Variants in C4BPA observed in about 807,000 individuals in gnomAD.
C4BPA encodes complement component 4 binding protein alpha.
Under a neutral mutation model 63.7 loss-of-function variants are expected in C4BPA, and 31 were observed. The observed-to-expected ratio is 0.49, with a 90% confidence interval of 0.37 to 0.66. C4BPA has a LOEUF of 0.66. Ranked by LOEUF, C4BPA falls within the 30% of genes least tolerant of loss-of-function variation. The pLI, the probability that C4BPA is intolerant of heterozygous loss-of-function variation, is 0.00. For synonymous variants in C4BPA, 259 were observed against 254.7 expected, an observed-to-expected ratio of 1.02 and a Z score of -0.16; for missense variants, 572 against 723.3, an observed-to-expected ratio of 0.79 and a Z score of 2.40.
intron 4 of C4BPA, among the ~76,000 whole-genome samples, chr1:207,117,105 T>C (rs1684814625): frequency 6.6e-6 from 1 of 152,210 alleles, no homozygotes; most frequent in Non-Finnish European, 1.5e-5. Flanking sequence ...TATTTTTCTA[T>C]AAGAACTTTA....
chr1:207,104,367 T>C lies in C4BPA; in HGVS notation c.-89T>C, dbSNP rs1684518850. 1.3e-5 allele frequency: 2 copies of C among 152,234 alleles called. No individual in the cohort carries two copies. Among genetic ancestry groups the C allele is most frequent in the African/African-American group, 4.8e-5 (2 of 41,452 alleles). 9.4% of individuals were successfully genotyped at this position (152,234 alleles called of 1,614,324 possible). ...AGGACTACATAGATCAAGGCAGTTT[T>C]CTTCTTTGAGAAACTATCCCAGATA... On this transcript the variant is annotated 5_prime_UTR_variant, in exon 1 of 12. Transcript: ENST00000367070.
intron 2 of C4BPA, 87 bp from the exon 3 acceptor site, chr1:207,114,013 C>T: frequency 6.3e-6 from 7 of 1,117,324 alleles, no homozygotes; most frequent in Non-Finnish European, 7.7e-6. Flanking sequence ...AAGAACGATC[C>T]CTGCTCTAAA....
At chr1:207,113,429 A>G (rs1010252598) in intron 2 of C4BPA, among the ~76,000 whole-genome samples, 2 of 152,188 alleles carry the variant, frequency 1.3e-5, no homozygotes, top group African/African-American at 2.4e-5. Context: ...TAATATGGAC[A>G]GATCTATATT....
intron 4 of C4BPA, 89 bp from the exon 5 acceptor site, chr1:207,123,833 A>G (rs539095228): frequency 4.2e-6 from 3 of 721,554 alleles, no homozygotes; most frequent in Admixed American, 5.0e-5. Flanking sequence ...TTATTTTAAT[A>G]TTGAGTAACA....
Position 207,126,902 on chromosome 1 carries a change from A to C in C4BPA, c.889+7A>C. 1.2e-6 allele frequency: 2 copies of C among 1,607,906 alleles called. No individual in the cohort carries two copies. The highest frequency in any genetic ancestry group is 1.7e-6 in the Non-Finnish European group (2 of 1,175,986). On this transcript the variant is annotated splice_region_variant and intron_variant, in intron 7 of 11. Coordinates refer to ENST00000367070, the MANE Select transcript of C4BPA (RefSeq NM_000715.4). ...CCTCCTGCTTGTGAGCCCAGTAAGT[A>C]TGGACTGTGACAGAATTTCAATGTT...
intron 1 of C4BPA, among the ~76,000 whole-genome samples, chr1:207,108,508 A>T (rs1684602978): frequency 6.6e-6 from 1 of 152,184 alleles, no homozygotes; most frequent in Non-Finnish European, 1.5e-5. Flanking sequence ...TTTTACAGAG[A>T]TTTATTTCAT....
rs1439438800 is a variant in C4BPA at position 207,115,454 on chromosome 1, C to G, written c.367C>G (p.Gln123Glu). Residue 123 changes from glutamine (Q) to glutamate (E), a missense_variant, in exon 4 of 12, where the codon CAA (glutamine) becomes GAA (glutamate). This residue lies in a region of C4BPA where 465 missense variants were observed against 629.4 expected (regional missense o/e 0.74). Coordinates refer to ENST00000367070, the MANE Select transcript of C4BPA (RefSeq NM_000715.4). Reference protein sequence around the residue: ...CRHPGELRNGQVEIKTDLSFG... With the variant: ...CRHPGELRNGEVEIKTDLSFG... ...ACACCCAGGAGAGTTACGTAATGGG[C>G]AAGTAGAGATTAAGACAGATTTATC... The G allele has an allele frequency of 6.3e-7, 1 of 1,599,888 alleles. No homozygotes were observed. The highest frequency in any genetic ancestry group is 8.5e-7 in the Non-Finnish European group (1 of 1,175,476).
At chr1:207,138,313 C>T (rs1175102541) in intron 9 of C4BPA, among the ~76,000 whole-genome samples, 1 of 152,196 alleles carries the variant, frequency 6.6e-6, no homozygotes, top group Non-Finnish European at 1.5e-5. Flanking sequence ...CCCAGATGCT[C>T]TACTTCCATC....
At chr1:207,139,267 T>C (rs1030757710) in intron 9 of C4BPA, among the ~76,000 whole-genome samples, 1 of 152,352 alleles carries the variant, frequency 6.6e-6, no homozygotes. Flanking sequence ...ATGTGGTGTC[T>C]TTTTTTCAGT....
At chr1:207,108,946 C>T (rs1235088173) in intron 1 of C4BPA, among the ~76,000 whole-genome samples, 1 of 152,174 alleles carries the variant, frequency 6.6e-6, no homozygotes, top group Non-Finnish European at 1.5e-5. Flanking sequence ...CGGTCTTGAA[C>T]TCCTGACCTC....
At chr1:207,144,077 T>C in intron 11 of C4BPA, 84 bp downstream of exon 11, 2 of 941,262 alleles carry the variant, frequency 2.1e-6, no homozygotes, top group Non-Finnish European at 3.1e-6. Flanking sequence ...CACTCAACAA[T>C]GGTGAAATCT....
intron 4 of C4BPA, among the ~76,000 whole-genome samples, chr1:207,121,436 T>C (rs975205545): frequency 1.4e-4 from 16 of 110,892 alleles, no homozygotes; most frequent in Non-Finnish European, 3.2e-4. Context: ...TTAAAATTAT[T>C]ATCTTTGGTT....
intron 8 of C4BPA, 124 bp downstream of exon 8, chr1:207,131,864 T>G (rs1231744338): frequency 1.5e-6 from 1 of 672,832 alleles, no homozygotes; most frequent in Admixed American, 3.1e-5. Flanking sequence ...TTCAACAGAT[T>G]AGTAAACTGT....
intron 1 of C4BPA, among the ~76,000 whole-genome samples, chr1:207,108,857 G>A (rs1023535462): frequency 1.3e-5 from 2 of 152,024 alleles, no homozygotes; most frequent in Admixed American, 6.5e-5. Context: ...TGAGTAGCTG[G>A]GATTACAGGC....
chr1:207,120,206 G>T (rs1684893129), intron 4 of C4BPA, among the ~76,000 whole-genome samples: 1 of 152,060 alleles, frequency 6.6e-6, no homozygotes, highest in African/African-American at 2.4e-5. Flanking sequence ...GAGTTGACAG[G>T]TCTCAACCTC....
intron 6 of C4BPA, among the ~76,000 whole-genome samples, chr1:207,125,457 A>G (rs900594318): frequency 6.6e-6 from 1 of 152,068 alleles, no homozygotes; most frequent in East Asian, 1.9e-4. Context: ...AAAACCTAAG[A>G]CCCAATGTGA....
At chr1:207,126,478 C>T (rs1685046347) in intron 6 of C4BPA, among the ~76,000 whole-genome samples, 1 of 148,976 alleles carries the variant, frequency 6.7e-6, no homozygotes, top group South Asian at 2.1e-4. Context: ...TTCAACTTCT[C>T]CACCAATAAA....
At position 207,126,820 on chromosome 1, in the gene C4BPA, G is replaced by T; in HGVS notation, c.814G>T (p.Val272Phe). The T allele has an allele frequency of 6.2e-7, 1 of 1,613,446 alleles. No individual in the cohort carries two copies. Among genetic ancestry groups the T allele is most frequent in the Non-Finnish European group, 8.5e-7 (1 of 1,179,614 alleles). ...TGTGTTTAAGTGCCAAAAAGGTTTT[G>T]TTCTCAGAGGCAGCAGTGTAATTCA... is the stretch of plus-strand genomic sequence containing the variant. ...TIVFKCQKGF[V>F]LRGSSVIHCD... The change falls in exon 7 of 12, where the codon GTT becomes TTT. Residue 272 changes from valine to phenylalanine, a missense_variant. Val to Phe is a conservative substitution (Grantham distance 50). Transcript: ENST00000367070.
intron 4 of C4BPA, among the ~76,000 whole-genome samples, chr1:207,120,662 G>C (rs17021100): frequency 0.13 from 20,270 of 152,104 alleles, 1,497 homozygotes; most frequent in African/African-American, 0.2. Context: ...GATTAACCAA[G>C]AATGTTACTT....
Sources: gnomAD v4.1 joint callset for allele counts (sites outside exome capture counted in the v4.1 genomes callset) on GRCh38, gnomAD v4.1.1 for gene constraint, gnomAD v4.1.1 regional missense constraint, MANE v1.5 for transcripts, NCBI Gene and HGNC (gene_info 2026-07-23, HGNC 2026-07-21) for gene names.